SOX6: variants seen among roughly 807,000 people sequenced by gnomAD.
SOX6 encodes the protein SRY-box transcription factor 6.
In SOX6, 11 loss-of-function variants were observed where a neutral mutation model predicts 97.8. That is an observed-to-expected ratio of 0.11 (90% CI 0.07 to 0.19). The LOEUF is 0.19. Ranked by LOEUF, SOX6 falls within the 10% of genes least tolerant of loss-of-function variation. The probability of loss-of-function intolerance (pLI) is 1.00; values close to 1 mark genes in which losing one functional copy is unlikely to be tolerated. For missense variants in SOX6, 810 were observed against 1,039.5 expected, an observed-to-expected ratio of 0.78 and a Z score of 3.04; for synonymous variants, 360 against 371.4, an observed-to-expected ratio of 0.97 and a Z score of 0.35.
At chr11:16,695,469 T>C (rs1848046645) in intron 3 of SOX6, among the ~76,000 whole-genome samples, 1 of 152,138 alleles carries the variant, frequency 6.6e-6, no homozygotes. Flanking sequence ...AACAGTATTT[T>C]CAAACCCAAA....
intron 4 of SOX6, among the ~76,000 whole-genome samples, chr11:16,187,380 T>G (rs1851508931): frequency 6.6e-6 from 1 of 152,184 alleles, no homozygotes; most frequent in African/African-American, 2.4e-5. Context: ...AGGTGCTTAA[T>G]AAAAGTTACT....
intron 3 of SOX6, among the ~76,000 whole-genome samples, chr11:16,637,659 G>A (rs1174807653): frequency 1.3e-5 from 2 of 152,132 alleles, no homozygotes; most frequent in Non-Finnish European, 2.9e-5. Context: ...ACAATGGATC[G>A]AATAAGATGC....
chr11:16,429,664 T>TATCA (rs1859229409), intron 1 of SOX6, among the ~76,000 whole-genome samples: 2 of 151,904 alleles, frequency 1.3e-5, no homozygotes, highest in African/African-American at 4.8e-5. Context: ...CAACACACAC[T>TATCA]GGGGCCTATC....
Position 16,686,896 on chromosome 11 carries a change from G to C in SOX6, n.429+27934C>G, listed in dbSNP as rs150279073. Among the ~76,000 whole-genome samples, 944 of 152,314 alleles carry C rather than the reference G, an allele frequency of 6.2e-3. 13 individuals carry two copies. The highest frequency in any genetic ancestry group is 0.021 in the African/African-American group (856 of 41,558). On this transcript the variant is annotated intron_variant and non_coding_transcript_variant, in intron 3 of 5. Transcript: ENST00000524520. ...GAGAATCGCTTGAACCCGGGAGGCA[G>C]AGGTTACAGTGAGCCAAGATTGCAC...
chr11:16,551,690 G>A (rs190988105), intron 4 of SOX6, among the ~76,000 whole-genome samples: 15 of 152,166 alleles, frequency 9.9e-5, no homozygotes, highest in East Asian at 7.7e-4. Context: ...TTCAACCTCC[G>A]CCTCCCGGGT....
chr11:16,631,829 G>C (rs1444241723), intron 3 of SOX6, among the ~76,000 whole-genome samples: 1 of 151,890 alleles, frequency 6.6e-6, no homozygotes, highest in Non-Finnish European at 1.5e-5. Context: ...TACAAAGACT[G>C]GTCTTCAAGC....
In SOX6 at chr11:16,021,037, C is replaced by A. The variant is rs76889646; in HGVS notation, c.1624-5987G>T. Among the ~76,000 whole-genome samples, 369 of 152,046 alleles carry A rather than the reference C, an allele frequency of 2.4e-3. 3 individuals carry two copies. The highest frequency in any genetic ancestry group is 8.4e-3 in the African/African-American group (349 of 41,464). On this transcript the variant is annotated intron_variant, in intron 12 of 15. Transcript: ENST00000683767. ...ATATTTTATAAAAGAGGTAAATAAG[C>A]AATTTTAGAAGAGCACAATAGAAAA...
chr11:16,248,554 C>T (rs1380329660), intron 3 of SOX6, among the ~76,000 whole-genome samples: 1 of 152,202 alleles, frequency 6.6e-6, no homozygotes, highest in African/African-American at 2.4e-5. Flanking sequence ...GTGAAAGTTG[C>T]CAAGGCTTGG....
At chr11:16,646,074 C>T (rs1162806296) in intron 3 of SOX6, 2 of 152,208 alleles carry the variant, frequency 1.3e-5, no homozygotes, top group Non-Finnish European at 2.9e-5. Flanking sequence ...CAGATGTTCT[C>T]CAAGTACCTT....
At chr11:16,526,317 G>A (rs1321556173) in intron 4 of SOX6, among the ~76,000 whole-genome samples, 2 of 152,088 alleles carry the variant, frequency 1.3e-5, no homozygotes, top group African/African-American at 2.4e-5. Flanking sequence ...AAAATGATGA[G>A]TTCATGTCCT....
chr11:16,170,891 T>G (rs1564996764), intron 6 of SOX6, among the ~76,000 whole-genome samples: 1 of 151,850 alleles, frequency 6.6e-6, no homozygotes. Context: ...CCCACCTATT[T>G]CTCCCCCTAC....
intron 1 of SOX6, among the ~76,000 whole-genome samples, chr11:16,342,895 A>G (rs1217493394): frequency 6.6e-6 from 1 of 151,898 alleles, no homozygotes; most frequent in Non-Finnish European, 1.5e-5. Flanking sequence ...CAAGTAACAA[A>G]AATTGTATCT....
chr11:16,161,896 G>C (rs562507205), intron 6 of SOX6, among the ~76,000 whole-genome samples: 1 of 152,164 alleles, frequency 6.6e-6, no homozygotes, highest in Admixed American at 6.5e-5. Flanking sequence ...ATCAGATTCT[G>C]GTTGTTTATG....
intron 3 of SOX6, among the ~76,000 whole-genome samples, chr11:16,244,150 T>C (rs1590058826): frequency 6.6e-6 from 1 of 151,994 alleles, no homozygotes; most frequent in South Asian, 2.1e-4. Flanking sequence ...GTATGAGTGT[T>C]CTAGTTGTTT....
In SOX6 at chr11:16,287,168, T is replaced by C. The variant is rs75339978; in HGVS notation, c.445+31278A>G. Reference sequence around the variant, plus strand: ...CACTCAAGAGAAGAGCAATAGTTTATTTGATTAGGTATTTGGGGGCAAAGA... The same window carrying C: ...CACTCAAGAGAAGAGCAATAGTTTACTTGATTAGGTATTTGGGGGCAAAGA... On this transcript the variant is annotated intron_variant, in intron 3 of 15. Transcript: ENST00000683767. Among the ~76,000 whole-genome samples, 7 of 152,134 alleles carry C rather than the reference T, an allele frequency of 4.6e-5. No individual in the cohort carries two copies. The East Asian group carries it at 1.4e-3, about 29-fold the overall frequency.
chr11:16,132,394 GA>G (rs57128078), intron 6 of SOX6, among the ~76,000 whole-genome samples: 36 of 63,704 alleles, frequency 5.7e-4, no homozygotes, highest in East Asian at 1.2e-3. Context: ...AAGAAAGAAA[GA>G]AAGAAAAAAG....
At chr11:16,146,860 C>T (rs61881678) in intron 6 of SOX6, among the ~76,000 whole-genome samples, 22,634 of 152,106 alleles carry the variant, frequency 0.15, 2,305 homozygotes, top group Middle Eastern at 0.22. Context: ...ACAACAGGTG[C>T]TAGAGAGGAT....
chr11:16,576,793 T>G (rs1847988516), intron 4 of SOX6: 1 of 152,232 alleles, frequency 6.6e-6, no homozygotes. Flanking sequence ...ATTACAGATA[T>G]TACAGATCAG....
At chr11:16,625,988 G>A (rs1848618431) in intron 3 of SOX6, among the ~76,000 whole-genome samples, 1 of 152,212 alleles carries the variant, frequency 6.6e-6, no homozygotes, top group Non-Finnish European at 1.5e-5. Context: ...GGTCAGAGGA[G>A]CACAAATGCA....
Sources: gnomAD v4.1 joint callset for allele counts (sites outside exome capture counted in the v4.1 genomes callset) on GRCh38, gnomAD v4.1.1 for gene constraint, MANE v1.5 for transcripts, NCBI Gene and HGNC (gene_info 2026-07-23, HGNC 2026-07-21) for gene names.